Variants in TUBA3E observed in about 807,000 individuals in gnomAD.
TUBA3E encodes the protein tubulin alpha 3e, also known as tubulin alpha-3E chain.
TUBA3E carries 21 observed loss-of-function variants against 36.7 expected under a neutral mutation model. That is an observed-to-expected ratio of 0.57 (90% CI 0.41 to 0.83). TUBA3E has a LOEUF of 0.83. TUBA3E is among the 40% of genes least tolerant of loss of function. The pLI is 0.00. For missense variants in TUBA3E, 469 were observed against 604.2 expected (o/e 0.78, Z 2.35); for synonymous variants, 177 against 241.9 (o/e 0.73, Z 2.49).
At chr2:130,197,029 C>T (rs1281230827) in intron 1 of TUBA3E, among the ~76,000 whole-genome samples, 17 of 152,178 alleles carry the variant, frequency 1.1e-4, no homozygotes, top group African/African-American at 4.1e-4. Flanking sequence ...CTGTGGGTGA[C>T]CTGAATCCCT....
rs746619847 is a variant in TUBA3E at position 130,196,177 on chromosome 2, C to T, written c.198G>A (p.Val66=). 6.2e-7 allele frequency: 1 copy of T among 1,613,942 alleles called. No individual in the cohort carries two copies. The highest frequency in any genetic ancestry group is 8.5e-7 in the Non-Finnish European group (1 of 1,179,812). The change falls in exon 2 of 5, where the codon GTG becomes GTA. Residue 66 remains valine, a synonymous_variant. Transcript: ENST00000312988. ...CCACAGTGGGCTCCAGGTCCACAAA[C>T]ACTGCTCTGGGCACGTGCTTGCCAG... ...TGAGKHVPRA[V]FVDLEPTVVD...
At chr2:130,194,656 A>C (rs1329874690) in intron 3 of TUBA3E, among the ~76,000 whole-genome samples, 190 bp from the exon 4 acceptor site, 1 of 152,234 alleles carries the variant, frequency 6.6e-6, no homozygotes, top group Non-Finnish European at 1.5e-5. Flanking sequence ...CAGACTCAGT[A>C]GGACTCAAGA....
intron 1 of TUBA3E, among the ~76,000 whole-genome samples, chr2:130,197,300 A>G (rs1573772858): frequency 6.6e-6 from 1 of 151,104 alleles, no homozygotes; most frequent in Non-Finnish European, 1.5e-5. Context: ...CAGCCTGGGT[A>G]ACATAGTGAG....
Position 130,194,386 on chromosome 2 carries a change from C to G in TUBA3E, c.456G>C (p.Leu152=), listed in dbSNP as rs539714684. The change falls in exon 4 of 5, where the codon CTG becomes CTC. Residue 152 remains leucine, a synonymous_variant. Coordinates refer to ENST00000312988, the MANE Select transcript of TUBA3E (RefSeq NM_207312.3). The stretch of plus-strand genomic sequence containing the variant: ...AATCCACTGAGAGCCGCTCCATGAG[C>G]AGAGATGCGAACCCAGAGCCAGTGC... ...GGGTGSGFAS[L]LMERLSVDYS... is the part of the protein sequence containing the mutation. The G allele has an allele frequency of 3.8e-5, 62 of 1,613,036 alleles. No homozygotes were observed. The Admixed American group carries it at 9.7e-4, about 25-fold the overall frequency.
At chr2:130,194,942 T>C in intron 3 of TUBA3E, 137 bp downstream of exon 3, 2 of 1,490,968 alleles carry the variant, frequency 1.3e-6, no homozygotes, top group South Asian at 2.6e-5. Flanking sequence ...CCTCTCAAAG[T>C]GCTGGGATTA....
At chr2:130,196,605 C>A (rs1257632954) in intron 1 of TUBA3E, among the ~76,000 whole-genome samples, 1 of 152,194 alleles carries the variant, frequency 6.6e-6, no homozygotes, top group Admixed American at 6.5e-5. Flanking sequence ...TTTGCCACTA[C>A]ACAAAACTTA....
At position 130,193,878 on chromosome 2, in the gene TUBA3E, C is replaced by A. The variant is rs1224530569; in HGVS notation, c.964G>T (p.Asp322Tyr). ...YMACCMLYRG[D>Y]VVPKDVNAAI... ...GCATTGACGTCTTTGGGGACCACGT[C>A]CCCCCTGTACAACATGCAGCAGGCC... The change falls in exon 4 of 5, where the codon GAC (aspartate) becomes TAC (tyrosine). Residue 322 changes from aspartate to tyrosine, a missense_variant. Coordinates refer to ENST00000312988, the MANE Select transcript of TUBA3E (RefSeq NM_207312.3). The A allele has an allele frequency of 6.2e-7, 1 of 1,614,208 alleles. No homozygotes were observed. The highest frequency in any genetic ancestry group is 8.5e-7 in the Non-Finnish European group (1 of 1,180,042).
chr2:130,193,252 AAAAT>A (rs1044147043), intron 4 of TUBA3E, among the ~76,000 whole-genome samples: 4 of 151,914 alleles, frequency 2.6e-5, no homozygotes, highest in South Asian at 2.1e-4. Flanking sequence ...CCTGTCTCAA[AAAAT>A]AAATAAATAA....
In TUBA3E at chr2:130,194,159, T is replaced by C. The variant is rs753902514; in HGVS notation, c.683A>G (p.Asn228Ser). The C allele has an allele frequency of 4.3e-6, 7 of 1,613,686 alleles. No individual in the cohort carries two copies. Among genetic ancestry groups the C allele is most frequent in the African/African-American group, 2.7e-5 (2 of 74,912 alleles). Reference sequence around the variant, plus strand: ...GGACACGATCTGCCCAATCAGGCGATTGAGGTTGGTGTACGTGGGACGTTC... The same window carrying C: ...GGACACGATCTGCCCAATCAGGCGACTGAGGTTGGTGTACGTGGGACGTTC... ...DIERPTYTNLNRLIGQIVSSI... is the reference protein window; with the variant it reads ...DIERPTYTNLSRLIGQIVSSI... Residue 228 changes from asparagine to serine, a missense_variant, in exon 4 of 5, where the codon AAT (asparagine) becomes AGT (serine). Around this residue, in one of 3 missense-constraint regions of TUBA3E, gnomAD observed 296 missense variants for 346.9 expected, o/e 0.85. Coordinates refer to ENST00000312988, the MANE Select transcript of TUBA3E (RefSeq NM_207312.3).
Position 130,197,709 on chromosome 2 carries a change from T to G in TUBA3E, c.3+649A>C, listed in dbSNP as rs1186786197. 1.6e-5 allele frequency among the ~76,000 whole-genome samples: 2 copies of G among 123,762 alleles called. 1 individual carries two copies. The highest frequency in any genetic ancestry group is 3.6e-5 in the Non-Finnish European group (2 of 56,038). 81.2% of individuals were successfully genotyped at this position (123,762 alleles called of 152,430 possible). A position where few individuals can be genotyped will look rare whatever the true frequency, so the allele number is the denominator to read the frequency against. ...GCAGCCTCAAAGTTCCAGGCTCGGC[T>G]GATCCTCCCACCTCAGCCTCCCGAG... On this transcript the variant is annotated intron_variant, in intron 1 of 4. Coordinates refer to ENST00000312988, the MANE Select transcript of TUBA3E (RefSeq NM_207312.3).
At chr2:130,197,887 C>T (rs1199916971) in intron 1 of TUBA3E, among the ~76,000 whole-genome samples, 2 of 125,160 alleles carry the variant, frequency 1.6e-5, no homozygotes, top group African/African-American at 5.6e-5. Flanking sequence ...GGATTCCAGG[C>T]GTGAGCCGCC....
Position 130,198,248 on chromosome 2 carries a change from C to T in TUBA3E, c.3+110G>A, listed in dbSNP as rs1304565743. 3.5e-5 allele frequency: 43 copies of T among 1,226,374 alleles called. 10 individuals carry two copies. The highest frequency in any genetic ancestry group is 4.5e-5 in the Non-Finnish European group (40 of 893,834). 76.0% of individuals were successfully genotyped at this position (1,226,374 alleles called of 1,614,324 possible). ...CCTGTCCCGCACTAGACCCTGCGTC[C>T]TTCTCTGGCCTCCTCTCAGCGCCCA... On this transcript the variant is annotated intron_variant, in intron 1 of 4. Transcript: ENST00000312988.
Position 130,196,369 on chromosome 2 carries a change from G to C in TUBA3E, c.6C>G (p.Arg2=). Residue 2 remains arginine (R), a splice_region_variant and synonymous_variant, in exon 2 of 5, where the codon CGC becomes CGG. Transcript: ENST00000312988. ...GCCCCACGTGGATAGAGATACACTC[G>C]CGCTGTGAACCGGAACATAAATGTG... M[R]ECISIHVGQA... is the part of the protein sequence containing the mutation. The C allele has an allele frequency of 6.2e-7, 1 of 1,612,100 alleles. No homozygotes were observed. The highest frequency in any genetic ancestry group is 8.5e-7 in the Non-Finnish European group (1 of 1,178,316).
chr2:130,196,086 G>A (rs553417579), intron 2 of TUBA3E, 63 bp downstream of exon 2: 71 of 1,438,614 alleles, frequency 4.9e-5, no homozygotes, highest in Middle Eastern at 2.3e-4. Context: ...GAGCCCACAC[G>A]GGGCTTTACC....
In TUBA3E at chr2:130,196,325, C is replaced by A. The variant is rs1415334243; in HGVS notation, c.50G>T (p.Gly17Val). The change falls in exon 2 of 5, where the codon GGC becomes GTC. Residue 17 changes from glycine (G) to valine (V), a missense_variant. Gly to Val is a moderately radical substitution (Grantham distance 109). Coordinates refer to ENST00000312988, the MANE Select transcript of TUBA3E (RefSeq NM_207312.3). Reference protein sequence around the residue: ...IHVGQAGVQIGNACWELYCLE... With the variant: ...IHVGQAGVQIVNACWELYCLE... ...GCAGTACAGTTCCCAGCAGGCATTG[C>A]CGATCTGGACACCCGCCTGCCCCAC... 4 of 1,614,018 alleles carry A rather than the reference C, an allele frequency of 2.5e-6. No individual in the cohort carries two copies. The African/African-American group carries it at 5.3e-5, about 22-fold the overall frequency.
At chr2:130,193,606 C>CAAAAA (rs34918027) in intron 4 of TUBA3E, among the ~76,000 whole-genome samples, 180 bp downstream of exon 4, 5 of 95,092 alleles carry the variant, frequency 5.3e-5, no homozygotes, top group African/African-American at 8.1e-5. Flanking sequence ...AAGACTGTCT[C>CAAAAA]AAAAAAAAAA....
At position 130,193,888 on chromosome 2, in the gene TUBA3E, C is replaced by G. The variant is rs1395884095; in HGVS notation, c.954G>C (p.Leu318Phe). 6.2e-7 allele frequency: 1 copy of G among 1,614,120 alleles called. No homozygotes were observed. Among genetic ancestry groups the G allele is most frequent in the Non-Finnish European group, 8.5e-7 (1 of 1,180,046 alleles). ...CTTTGGGGACCACGTCCCCCCTGTA[C>G]AACATGCAGCAGGCCATGTACTTGC... ...RHGKYMACCM[L>F]YRGDVVPKDV... Residue 318 changes from leucine (L) to phenylalanine (F), a missense_variant, in exon 4 of 5, where the codon TTG becomes TTC. Coordinates refer to ENST00000312988, the MANE Select transcript of TUBA3E (RefSeq NM_207312.3).
At chr2:130,195,468 T>C (rs1289283363) in intron 2 of TUBA3E, among the ~76,000 whole-genome samples, 2 of 152,228 alleles carry the variant, frequency 1.3e-5, no homozygotes, top group African/African-American at 4.8e-5. Context: ...GCACGACCAG[T>C]TCCCAGTGAA....
chr2:130,193,142 C>G (rs1416652065), intron 4 of TUBA3E, among the ~76,000 whole-genome samples: 1 of 151,204 alleles, frequency 6.6e-6, no homozygotes, highest in Non-Finnish European at 1.5e-5. Flanking sequence ...GTGTTCCCAG[C>G]TACTTGGGAG....
Sources: allele counts gnomAD v4.1 joint callset (sites outside exome capture counted in the v4.1 genomes callset), GRCh38; gene constraint gnomAD v4.1.1; regional missense constraint gnomAD v4.1.1; transcripts MANE v1.5; gene names NCBI Gene and HGNC (gene_info 2026-07-23, HGNC 2026-07-21).